The following WWOX variants were observed in gnomAD, a reference collection of about 807,000 sequenced individuals.
WWOX encodes the protein WW domain-containing oxidoreductase.
Under a neutral mutation model 46.2 loss-of-function variants are expected in WWOX, and 69 were observed. That is an observed-to-expected ratio of 1.49 (90% CI 1.23 to 1.82). The LOEUF is 1.82. Ranked by LOEUF, WWOX falls within the 40% of genes most tolerant of loss-of-function variation. The pLI is 0.00. For missense variants in WWOX, 919 were observed against 542.6 expected, an observed-to-expected ratio of 1.69 and a Z score of -6.89; for synonymous variants, 359 against 202.6, an observed-to-expected ratio of 1.77 and a Z score of -6.56.
intron 5 of WWOX, among the ~76,000 whole-genome samples, chr16:78,200,870 A>C (rs958572528): frequency 6.6e-6 from 1 of 152,200 alleles, no homozygotes; most frequent in African/African-American, 2.4e-5. Flanking sequence ...TATTCATGCA[A>C]TTAAAAATTC....
intron 4 of WWOX, among the ~76,000 whole-genome samples, chr16:78,150,142 A>C (rs1597271399): frequency 1.3e-5 from 2 of 152,182 alleles, no homozygotes; most frequent in East Asian, 3.9e-4. Flanking sequence ...TCCCACGACC[A>C]TCTCCTCAGG....
At chr16:79,013,951 A>G (rs897754876) in intron 8 of WWOX, among the ~76,000 whole-genome samples, 16 of 152,156 alleles carry the variant, frequency 1.1e-4, no homozygotes, top group African/African-American at 3.9e-4. Flanking sequence ...AGAGAGGAAG[A>G]GAGGATGCTC....
At chr16:78,498,856 G>T (rs1373068725) in intron 8 of WWOX, among the ~76,000 whole-genome samples, 1 of 106,352 alleles carries the variant, frequency 9.4e-6, no homozygotes, top group Non-Finnish European at 2.4e-5. Context: ...AGGAGCCACT[G>T]TTACTGGTCT....
chr16:78,232,425 A>C (rs1567444696), intron 5 of WWOX, among the ~76,000 whole-genome samples: 1 of 152,128 alleles, frequency 6.6e-6, no homozygotes, highest in South Asian at 2.1e-4. Flanking sequence ...TTCCCTCCCC[A>C]GTAGTTGTGA....
At chr16:78,912,351 G>T (rs2045133573) in intron 8 of WWOX, among the ~76,000 whole-genome samples, 1 of 151,948 alleles carries the variant, frequency 6.6e-6, no homozygotes, top group Non-Finnish European at 1.5e-5. Context: ...GCTCTGGGAG[G>T]TGATGACTGT....
chr16:78,189,019 C>T (rs759113072), intron 5 of WWOX, among the ~76,000 whole-genome samples: 5 of 152,124 alleles, frequency 3.3e-5, no homozygotes, highest in Non-Finnish European at 5.9e-5. Context: ...GAGGTGCAGG[C>T]AGAGTCAAGG....
intron 8 of WWOX, among the ~76,000 whole-genome samples, chr16:78,793,249 C>A (rs572697711): frequency 2.0e-5 from 3 of 151,930 alleles, no homozygotes; most frequent in African/African-American, 7.3e-5. Flanking sequence ...TTTGTAGAGA[C>A]GGTGTTTTGC....
intron 8 of WWOX, among the ~76,000 whole-genome samples, chr16:79,133,802 A>G (rs952193053): frequency 1.3e-5 from 2 of 152,228 alleles, no homozygotes; most frequent in African/African-American, 4.8e-5. Context: ...GGGGAAATGC[A>G]GGATGTAATG....
At chr16:78,236,722 G>A (rs1030167396) in intron 5 of WWOX, among the ~76,000 whole-genome samples, 15 of 152,154 alleles carry the variant, frequency 9.9e-5, no homozygotes, top group African/African-American at 3.4e-4. Flanking sequence ...GAAATCCACA[G>A]TGGACACCAG....
At chr16:78,717,377 A>C (rs1190552478) in intron 8 of WWOX, among the ~76,000 whole-genome samples, 5 of 152,224 alleles carry the variant, frequency 3.3e-5, no homozygotes, top group Admixed American at 1.3e-4. Context: ...CCTGCTTAAT[A>C]TTACACTGTA....
At position 78,802,934 on chromosome 16, in the gene WWOX, AAAAAAAAACAAC is replaced by A. The variant is rs1417479731; in HGVS notation, c.1056+370186_1056+370197del. Among the ~76,000 whole-genome samples, 169 of 100,202 alleles carry A rather than the reference AAAAAAAAACAAC, an allele frequency of 1.7e-3. 18 individuals are homozygous for A. The highest frequency in any genetic ancestry group is 5.0e-3 in the Middle Eastern group (1 of 200). 65.7% of individuals were successfully genotyped at this position (100,202 alleles called of 152,430 possible). A position where few individuals can be genotyped will look rare whatever the true frequency, so the allele number is the denominator to read the frequency against. On this transcript the variant is annotated intron_variant, in intron 8 of 8. Coordinates refer to ENST00000566780, the MANE Select transcript of WWOX (RefSeq NM_016373.4). ...TCATCTGAAAAAAAAAAAAAAAAAA[AAAAAAAAACAAC>A]AAACAGAAAAATGAACGAGTGAGTG... is the stretch of plus-strand genomic sequence containing the variant.
At chr16:78,824,944 T>A (rs573213839) in intron 8 of WWOX, among the ~76,000 whole-genome samples, 1 of 152,312 alleles carries the variant, frequency 6.6e-6, no homozygotes, top group Non-Finnish European at 1.5e-5. Flanking sequence ...TTTTATTTGT[T>A]GTTTTCATTC....
chr16:78,934,062 A>G (rs2045682316), intron 8 of WWOX, among the ~76,000 whole-genome samples: 2 of 151,906 alleles, frequency 1.3e-5, no homozygotes, highest in Non-Finnish European at 1.5e-5. Flanking sequence ...GGGGCCGGGC[A>G]CGGTGGCTCA....
At chr16:78,410,963 C>T (rs1567556115) in intron 6 of WWOX, among the ~76,000 whole-genome samples, 2 of 152,132 alleles carry the variant, frequency 1.3e-5, no homozygotes, top group South Asian at 2.1e-4. Flanking sequence ...CAGAGGCGAA[C>T]CTCAGTTCCC....
chr16:78,185,416 C>T (rs964086028), intron 5 of WWOX, among the ~76,000 whole-genome samples: 2 of 152,014 alleles, frequency 1.3e-5, no homozygotes, highest in Non-Finnish European at 2.9e-5. Flanking sequence ...ACAGCTTTCC[C>T]CAAGAATACA....
intron 8 of WWOX, among the ~76,000 whole-genome samples, chr16:78,489,434 A>G (rs1376405699): frequency 6.6e-6 from 1 of 152,172 alleles, no homozygotes; most frequent in Non-Finnish European, 1.5e-5. Flanking sequence ...AGTGTCTACA[A>G]AATGTCTTTT....
At chr16:78,716,144 A>G (rs1311253893) in intron 8 of WWOX, among the ~76,000 whole-genome samples, 1 of 152,110 alleles carries the variant, frequency 6.6e-6, no homozygotes, top group Non-Finnish European at 1.5e-5. Flanking sequence ...ATAAAGGGGA[A>G]TTTTGGGCAC....
chr16:78,292,050 G>A (rs1012203082), intron 5 of WWOX, among the ~76,000 whole-genome samples: 1 of 150,822 alleles, frequency 6.6e-6, no homozygotes, highest in African/African-American at 2.4e-5. Context: ...TATGAGATGA[G>A]GATGATTTTT....
chr16:78,211,504 A>T (rs1284889246), intron 5 of WWOX, among the ~76,000 whole-genome samples: 5 of 152,092 alleles, frequency 3.3e-5, no homozygotes, highest in Non-Finnish European at 7.4e-5. Context: ...CTGCTTAATA[A>T]AGTCCCCGGC....
Sources: allele counts gnomAD v4.1 joint callset (sites outside exome capture counted in the v4.1 genomes callset), GRCh38; gene constraint gnomAD v4.1.1; transcripts MANE v1.5; gene names NCBI Gene and HGNC (gene_info 2026-07-23, HGNC 2026-07-21).